Variants in LINGO1 observed in about 807,000 individuals in gnomAD.
The protein encoded by LINGO1 is leucine-rich repeat and immunoglobulin-like domain-containing nogo receptor-interacting protein 1.
In LINGO1, 11 loss-of-function variants were observed where a neutral mutation model predicts 37.3. That is an observed-to-expected ratio of 0.29 (90% CI 0.19 to 0.49). The LOEUF (loss-of-function observed/expected upper bound fraction) is 0.49, where lower values mean the gene tolerates loss of function less well. Among genes scored for constraint, LINGO1 ranks in the 20% least tolerant of loss-of-function variants. The pLI, the probability that LINGO1 is intolerant of heterozygous loss-of-function variation, is 0.99. For missense variants in LINGO1, 585 were observed against 878.2 expected (o/e 0.67, Z 4.22); for synonymous variants, 387 against 403.0 (o/e 0.96, Z 0.48).
chr15:77,776,505 G>A (rs1295362052), intron 1 of LINGO1, among the ~76,000 whole-genome samples: 2 of 81,500 alleles, frequency 2.5e-5, no homozygotes, highest in South Asian at 4.4e-4. Flanking sequence ...AGGCAGGAAG[G>A]CAGGAAGGCA....
chr15:77,754,117 G>A (rs932613366), intron 1 of LINGO1, among the ~76,000 whole-genome samples: 1 of 151,908 alleles, frequency 6.6e-6, no homozygotes, highest in Non-Finnish European at 1.5e-5. Flanking sequence ...AAAGGCAAGG[G>A]GGAAGGAAAG....
chr15:77,633,831 C>T (rs2074339121), upstream of LINGO1, among the ~76,000 whole-genome samples: 1 of 152,202 alleles, frequency 6.6e-6, no homozygotes, highest in African/African-American at 2.4e-5. Flanking sequence ...GAAACTAGGC[C>T]AGCAGGGATG....
rs533778771 is a variant in LINGO1 at position 77,775,920 on chromosome 15, C to T, written c.-257+10949G>A. 2.0e-3 allele frequency among the ~76,000 whole-genome samples: 297 copies of T among 152,266 alleles called. 1 individual carries two copies. Among genetic ancestry groups the T allele is most frequent in the African/African-American group, 6.7e-3 (280 of 41,554 alleles). The stretch of plus-strand genomic sequence containing the variant: ...AGGCCTTCGTTCCTCCGTCAGCATC[C>T]CCCCCATGCCCTCATTAGCACAACC... On this transcript the variant is annotated intron_variant, in intron 1 of 3. Transcript: ENST00000561686.
intron 2 of LINGO1, among the ~76,000 whole-genome samples, chr15:77,707,964 A>G (rs1207828194): frequency 6.6e-6 from 1 of 152,164 alleles, no homozygotes; most frequent in African/African-American, 2.4e-5. Context: ...GCTCTCTCCT[A>G]TGGCCAAACC....
At position 77,615,331 on chromosome 15, in the gene LINGO1, G is replaced by A; in HGVS notation, c.576C>T (p.Ser192=). The part of the protein sequence containing the change: ...ISHRAFSGLN[S]LEQLTLEKCN... ...ATTTCTCCAGCGTCAGCTGCTCCAG[G>A]CTGTTGAGGCCGCTGAAGGCGCGGT... The change falls in exon 2 of 2, where the codon AGC becomes AGT. Residue 192 remains serine (S), a synonymous_variant. Transcript: ENST00000355300. 1 of 1,613,844 alleles carries A rather than the reference G, an allele frequency of 6.2e-7. No individual in the cohort carries two copies. Among genetic ancestry groups the A allele is most frequent in the South Asian group, 1.1e-5 (1 of 91,072 alleles).
chr15:77,618,247 C>T (rs975663501), intron 1 of LINGO1, among the ~76,000 whole-genome samples: 2 of 152,194 alleles, frequency 1.3e-5, no homozygotes, highest in African/African-American at 4.8e-5. Flanking sequence ...TGCTGGTAAG[C>T]CCCTCTTATA....
rs185542307 is a variant in LINGO1, at chr15:77,776,332, C to A, written c.-257+10537G>T. ...CCCTGGCCACCCTCCCTGCCATGCC[C>A]AGGGCCCTTCCAGCACCCCCTCCAC... On this transcript the variant is annotated intron_variant, in intron 1 of 3. Transcript: ENST00000561686. 4.0e-3 allele frequency among the ~76,000 whole-genome samples: 614 copies of A among 152,238 alleles called. 6 individuals carry two copies. Among genetic ancestry groups the A allele is most frequent in the African/African-American group, 0.014 (577 of 41,530 alleles).
chr15:77,660,185 T>C (rs950492612), intron 3 of LINGO1: 2 of 152,118 alleles, frequency 1.3e-5, no homozygotes, highest in East Asian at 3.9e-4. Flanking sequence ...AGGCTCATGG[T>C]AAATAGGCTT....
At chr15:77,682,603 T>C (rs2075435923) in intron 2 of LINGO1, among the ~76,000 whole-genome samples, 1 of 151,962 alleles carries the variant, frequency 6.6e-6, no homozygotes, top group African/African-American at 2.4e-5. Context: ...CTTTCCCTCT[T>C]TCACCTCGCA....
chr15:77,806,973 C>T (rs1248550053), intron 1 of LINGO1, among the ~76,000 whole-genome samples: 1 of 152,192 alleles, frequency 6.6e-6, no homozygotes, highest in African/African-American at 2.4e-5. Context: ...CCAAACTCCC[C>T]ACCTGCCATG....
chr15:77,650,484 C>A (rs1473670724), intron 3 of LINGO1, among the ~76,000 whole-genome samples: 1 of 152,164 alleles, frequency 6.6e-6, no homozygotes, highest in Non-Finnish European at 1.5e-5. Context: ...CAGGGGGCAG[C>A]CTGGACCCCA....
intron 1 of LINGO1, among the ~76,000 whole-genome samples, chr15:77,763,473 A>G (rs1246374317): frequency 6.6e-6 from 1 of 152,126 alleles, no homozygotes; most frequent in Non-Finnish European, 1.5e-5. Flanking sequence ...AAGGAAATGA[A>G]AGGCACTGGA....
intron 3 of LINGO1, among the ~76,000 whole-genome samples, chr15:77,642,153 AG>A (rs1230896741): frequency 6.6e-6 from 1 of 152,186 alleles, no homozygotes; most frequent in African/African-American, 2.4e-5. Flanking sequence ...TAATTAGATC[AG>A]GCCTAATGAG....
intron 2 of LINGO1, among the ~76,000 whole-genome samples, chr15:77,708,686 G>A (rs1226651421): frequency 6.6e-6 from 1 of 152,190 alleles, no homozygotes; most frequent in Non-Finnish European, 1.5e-5. Context: ...GCCAAGGCAG[G>A]CAGATCACCT....
chr15:77,678,818 C>T (rs2075368614), intron 2 of LINGO1, among the ~76,000 whole-genome samples: 1 of 152,182 alleles, frequency 6.6e-6, no homozygotes, highest in Non-Finnish European at 1.5e-5. Flanking sequence ...TGTACCCTTG[C>T]CAACACTTGG....
At chr15:77,712,722 C>G (rs1396559340) in intron 2 of LINGO1, among the ~76,000 whole-genome samples, 1 of 152,184 alleles carries the variant, frequency 6.6e-6, no homozygotes, top group African/African-American at 2.4e-5. Flanking sequence ...ACTGGGGAAG[C>G]AGAAGCCAGC....
intron 1 of LINGO1, among the ~76,000 whole-genome samples, chr15:77,759,628 G>T (rs1332169032): frequency 6.6e-6 from 1 of 152,232 alleles, no homozygotes; most frequent in Non-Finnish European, 1.5e-5. Flanking sequence ...CTTCAGAAGT[G>T]CAGGGGAGCT....
At chr15:77,735,083 A>G (rs10851897) in intron 1 of LINGO1, 56,461 of 152,366 alleles carry the variant, frequency 0.37, 10,919 homozygotes, top group Admixed American at 0.51. Context: ...AAGAGGTGAG[A>G]GGACAGTCAG....
At chr15:77,761,823 G>C (rs1214307789) in intron 1 of LINGO1, among the ~76,000 whole-genome samples, 1 of 152,194 alleles carries the variant, frequency 6.6e-6, no homozygotes, top group African/African-American at 2.4e-5. Flanking sequence ...ATGACCCAAA[G>C]GAGCTCATTG....
Sources: allele counts gnomAD v4.1 joint callset (sites outside exome capture counted in the v4.1 genomes callset), GRCh38; gene constraint gnomAD v4.1.1; transcripts MANE v1.5; gene names NCBI Gene and HGNC (gene_info 2026-07-23, HGNC 2026-07-21).